ADAM7: variants seen among roughly 807,000 people sequenced by gnomAD.
ADAM7 encodes the protein disintegrin and metalloproteinase domain-containing protein 7.
A neutral mutation model predicts 102.9 loss-of-function variants in ADAM7; 97 were observed. The ratio of observed to expected loss-of-function variants is 0.94; its 90% confidence interval spans 0.80 to 1.12. The LOEUF (loss-of-function observed/expected upper bound fraction) is 1.12. ADAM7 is among the 50% of genes most tolerant of loss of function. The probability of loss-of-function intolerance (pLI) is 0.00; values close to 1 mark genes in which losing one functional copy is unlikely to be tolerated. For missense variants in ADAM7, 991 were observed against 908.7 expected (o/e 1.09, Z -1.16); for synonymous variants, 334 against 304.4 (o/e 1.10, Z -1.01).
In ADAM7 at chr8:24,492,579, T is replaced by G; in HGVS notation, c.1637T>G (p.Phe546Cys). The G allele has an allele frequency of 6.2e-7, 1 of 1,612,520 alleles. No individual in the cohort carries two copies. The highest frequency in any genetic ancestry group is 8.5e-7 in the Non-Finnish European group (1 of 1,178,952). ...TACTGCAAAAACAAGGAAAACAGAT[T>G]TCTTCCCTGTGAGGAGAAGTAAGTG... ...FGYCKNKENRFLPCEEKDVRC... is the reference protein window; with the variant it reads ...FGYCKNKENRCLPCEEKDVRC... Residue 546 changes from phenylalanine to cysteine, a missense_variant, in exon 15 of 22, where the codon TTT becomes TGT. Coordinates refer to ENST00000175238, the MANE Select transcript of ADAM7 (RefSeq NM_003817.4).
intron 9 of ADAM7, among the ~76,000 whole-genome samples, chr8:24,484,472 A>G (rs141356676): frequency 9.8e-5 from 15 of 152,332 alleles, no homozygotes; most frequent in African/African-American, 2.9e-4. Context: ...TCCAAGGAAC[A>G]GTTCTCATTT....
intron 12 of ADAM7, 134 bp from the exon 13 acceptor site, chr8:24,490,665 G>A (rs909042492): frequency 3.7e-6 from 3 of 803,074 alleles, no homozygotes; most frequent in Admixed American, 2.5e-5. Flanking sequence ...TAATCTTTAT[G>A]TATGTACCAC....
rs1381308214 is a variant in ADAM7, at chr8:24,466,852, C to T, written c.443C>T (p.Ser148Leu). 2 of 1,613,970 alleles carry T rather than the reference C, an allele frequency of 1.2e-6. No homozygotes were observed. Among genetic ancestry groups the T allele is most frequent in the Non-Finnish European group, 1.7e-6 (2 of 1,179,922 alleles). Residue 148 changes from serine to leucine, a missense_variant, in exon 6 of 22, where the codon TCA (serine) becomes TTA (leucine). Transcript: ENST00000175238. ...QRYLIEPVKY[S>L]DEGEHLVFKY... ...TACCTCATTGAACCAGTGAAATACT[C>T]AGATGAGGGAGAACATTTGGTGTTC...
chr8:24,482,611 TG>T (rs890304236), intron 9 of ADAM7, among the ~76,000 whole-genome samples: 6 of 152,004 alleles, frequency 3.9e-5, no homozygotes, highest in African/African-American at 1.4e-4. Flanking sequence ...TAGCTGAGCA[TG>T]GGGGCAAGCA....
In ADAM7 at chr8:24,487,329, A is replaced by T. The variant is rs766479494; in HGVS notation, c.1091+12A>T. 2.5e-6 allele frequency: 4 copies of T among 1,612,872 alleles called. No homozygotes were observed. In the East Asian group the frequency reaches 6.7e-5, roughly 27 times the overall value. Reference sequence around the variant, plus strand: ...GACAGTGATGGAAGGTGAGATTCGAACAATGTACAGAATACACTTACATAA... The same window carrying T: ...GACAGTGATGGAAGGTGAGATTCGATCAATGTACAGAATACACTTACATAA... On this transcript the variant is annotated intron_variant, in intron 11 of 21. Transcript: ENST00000175238.
chr8:24,497,062 C>T (rs73547091), intron 16 of ADAM7, among the ~76,000 whole-genome samples: 5,549 of 152,192 alleles, frequency 0.036, 346 homozygotes, highest in African/African-American at 0.13. Context: ...AGAGCAGGTC[C>T]TTCCCATGCT....
chr8:24,443,443 G>A (rs59342491), intron 2 of ADAM7, among the ~76,000 whole-genome samples: 20,928 of 152,098 alleles, frequency 0.14, 1,659 homozygotes, highest in Non-Finnish European at 0.18. Context: ...GTCTCCTCCC[G>A]TTTGGAAGTA....
intron 4 of ADAM7, among the ~76,000 whole-genome samples, chr8:24,465,219 A>G (rs1284298939): frequency 6.6e-6 from 1 of 152,136 alleles, no homozygotes; most frequent in Non-Finnish European, 1.5e-5. Context: ...GACCACAGAA[A>G]GTGTCATCCA....
chr8:24,489,067 T>C, intron 11 of ADAM7, 92 bp from the exon 12 acceptor site: 2 of 1,199,162 alleles, frequency 1.7e-6, no homozygotes, highest in Non-Finnish European at 2.3e-6. Flanking sequence ...TTTACATTTG[T>C]TCTTTTCAAA....
rs1445596988 is a variant in ADAM7 at position 24,447,262 on chromosome 8, G to T, written c.233G>T (p.Arg78Met). The part of the protein sequence containing the change: ...KTLVLHLLRS[R>M]EFLGSNYSET... ...TTAGTCCTTCATCTTCTAAGATCCA[G>T]GTAAGTTCTATTGTGATTCCAGTAC... is the stretch of plus-strand genomic sequence containing the variant. Residue 78 changes from arginine to methionine, a missense_variant and splice_region_variant, in exon 3 of 22, where the codon AGG becomes ATG. Physicochemically the swap from Arg to Met is moderately conservative, Grantham distance 91. Coordinates refer to ENST00000175238, the MANE Select transcript of ADAM7 (RefSeq NM_003817.4). The T allele has an allele frequency of 1.3e-6, 2 of 1,509,526 alleles. No individual in the cohort carries two copies. Among genetic ancestry groups the T allele is most frequent in the Non-Finnish European group, 1.8e-6 (2 of 1,105,736 alleles). The allele number at this position is 1,509,526 out of a possible 1,614,324, so 93.5% of individuals were successfully genotyped here.
chr8:24,448,017 A>T (rs747220338), intron 3 of ADAM7, among the ~76,000 whole-genome samples: 3 of 151,466 alleles, frequency 2.0e-5, no homozygotes, highest in Non-Finnish European at 4.4e-5. Flanking sequence ...TGAATCCGTC[A>T]CCAGACAAAT....
intron 20 of ADAM7, among the ~76,000 whole-genome samples, chr8:24,507,109 G>A (rs1263139091): frequency 6.6e-6 from 1 of 152,052 alleles, no homozygotes; most frequent in Non-Finnish European, 1.5e-5. Flanking sequence ...GGCAGTCCAT[G>A]TTTAAAATCA....
chr8:24,499,137 T>G, intron 16 of ADAM7, 99 bp from the exon 17 acceptor site: 1 of 861,428 alleles, frequency 1.2e-6, no homozygotes, highest in Non-Finnish European at 1.7e-6. Context: ...CATATGTAAA[T>G]TACATGCAAA....
chr8:24,464,773 G>A (rs1402394575), intron 4 of ADAM7, among the ~76,000 whole-genome samples: 1 of 142,576 alleles, frequency 7.0e-6, no homozygotes, highest in African/African-American at 2.6e-5. Context: ...GCTAATTTTT[G>A]TATTTTTAGT....
intron 9 of ADAM7, among the ~76,000 whole-genome samples, chr8:24,483,017 C>T (rs1237248652): frequency 6.6e-6 from 1 of 152,092 alleles, no homozygotes; most frequent in Non-Finnish European, 1.5e-5. Flanking sequence ...AACATTTCCC[C>T]TCATCAAAAT....
At chr8:24,501,785 G>C (rs1323957518) in intron 20 of ADAM7, among the ~76,000 whole-genome samples, 1 of 151,798 alleles carries the variant, frequency 6.6e-6, no homozygotes, top group African/African-American at 2.4e-5. Context: ...CAATAACCAA[G>C]ATACTATATC....
chr8:24,474,209 G>T (rs903879710), intron 7 of ADAM7, among the ~76,000 whole-genome samples: 2 of 152,042 alleles, frequency 1.3e-5, no homozygotes, highest in African/African-American at 4.8e-5. Flanking sequence ...ATTAACCTAT[G>T]AACAAAATTT....
At chr8:24,483,075 A>T (rs773137418) in intron 9 of ADAM7, among the ~76,000 whole-genome samples, 12 of 152,118 alleles carry the variant, frequency 7.9e-5, no homozygotes, top group Non-Finnish European at 1.5e-4. Flanking sequence ...TCTACTATAC[A>T]ATTGAACAAA....
At chr8:24,451,556 C>T (rs1240641881) in intron 3 of ADAM7, among the ~76,000 whole-genome samples, 1 of 152,066 alleles carries the variant, frequency 6.6e-6, no homozygotes, top group Non-Finnish European at 1.5e-5. Flanking sequence ...CTTTATTAGT[C>T]TTGCTAGTGG....
Sources: allele counts gnomAD v4.1 joint callset (sites outside exome capture counted in the v4.1 genomes callset), GRCh38; gene constraint gnomAD v4.1.1; transcripts MANE v1.5; gene names NCBI Gene and HGNC (gene_info 2026-07-23, HGNC 2026-07-21).